NPL: variants seen among roughly 807,000 people sequenced by gnomAD.
NPL encodes N-acetylneuraminate pyruvate lyase.
Under a neutral mutation model 41.1 loss-of-function variants are expected in NPL, and 32 were observed. That is an observed-to-expected ratio of 0.78 (90% confidence interval 0.59 to 1.05). NPL has a LOEUF of 1.05. Ranked by LOEUF, NPL falls within the 50% of genes least tolerant of loss-of-function variation. NPL has a pLI of 0.00. For missense variants in NPL, 321 were observed against 378.4 expected, an observed-to-expected ratio of 0.85 and a Z score of 1.26; for synonymous variants, 128 against 134.9, an observed-to-expected ratio of 0.95 and a Z score of 0.35.
At chr1:182,823,659 T>C (rs1667550394) in intron 11 of NPL, among the ~76,000 whole-genome samples, 1 of 152,238 alleles carries the variant, frequency 6.6e-6, no homozygotes, top group African/African-American at 2.4e-5. Context: ...GAAAAGGTTA[T>C]TTCTGAAAAT....
chr1:182,822,084 G>A (rs909771814), intron 10 of NPL, 31 bp from the exon 11 acceptor site: 6 of 1,387,690 alleles, frequency 4.3e-6, no homozygotes, highest in Non-Finnish European at 6.2e-6. Context: ...TTGAGTTATT[G>A]AACCTGCAGT....
chr1:182,807,711 C>G (rs1239869837), intron 5 of NPL, among the ~76,000 whole-genome samples: 1 of 110,700 alleles, frequency 9.0e-6, no homozygotes, highest in Non-Finnish European at 1.8e-5. Flanking sequence ...CCCGTCTCTA[C>G]TAAAAATACA....
At chr1:182,821,593 A>G (rs2102564433) in intron 10 of NPL, among the ~76,000 whole-genome samples, 1 of 152,366 alleles carries the variant, frequency 6.6e-6, no homozygotes, top group African/African-American at 2.4e-5. Flanking sequence ...ATAGGCACTT[A>G]GTAAATGATC....
chr1:182,825,240 T>C (rs1187144120), intron 11 of NPL, among the ~76,000 whole-genome samples: 1 of 152,190 alleles, frequency 6.6e-6, no homozygotes, highest in Non-Finnish European at 1.5e-5. Flanking sequence ...CTGTCTTTAT[T>C]TTTTTTCAAA....
intron 3 of NPL, among the ~76,000 whole-genome samples, chr1:182,797,385 G>A (rs1199370163): frequency 6.6e-6 from 1 of 152,162 alleles, no homozygotes; most frequent in Non-Finnish European, 1.5e-5. Context: ...TCATACTACA[G>A]ATCAGTCCTG....
At chr1:182,824,397 T>C (rs1002691271) in intron 11 of NPL, among the ~76,000 whole-genome samples, 6 of 152,258 alleles carry the variant, frequency 3.9e-5, no homozygotes, top group Admixed American at 6.5e-5. Context: ...AATTTTATTC[T>C]ACATTTTATT....
chr1:182,791,925 A>G (rs1666527126), intron 1 of NPL, among the ~76,000 whole-genome samples: 1 of 152,206 alleles, frequency 6.6e-6, no homozygotes, highest in Non-Finnish European at 1.5e-5. Flanking sequence ...GGGAAAAATT[A>G]TAAAGGCGAA....
At chr1:182,816,586 T>A in intron 7 of NPL, 128 bp from the exon 8 acceptor site, 2 of 718,286 alleles carry the variant, frequency 2.8e-6, no homozygotes, top group Non-Finnish European at 5.0e-6. Context: ...GCAGGGATAG[T>A]AAAAGTGGTT....
intron 8 of NPL, among the ~76,000 whole-genome samples, chr1:182,817,796 T>C (rs188797068): frequency 6.6e-6 from 1 of 152,366 alleles, no homozygotes; most frequent in East Asian, 1.9e-4. Context: ...GTAAGATATG[T>C]GAGAAGGGGC....
In NPL at chr1:182,800,896, A is replaced by G. The variant is rs57355887; in HGVS notation, c.69-2802A>G. Among the ~76,000 whole-genome samples the G allele has an allele frequency of 5.0e-3, 759 of 151,676 alleles. 6 individuals carry two copies. The highest frequency in any genetic ancestry group is 0.017 in the African/African-American group (696 of 41,324). ...AAGTGCCCACCAATACGCCTGGCTC[A>G]TTTTTGCATTTTTAGTAGAGACGGG... On this transcript the variant is annotated intron_variant, in intron 3 of 12. Coordinates refer to ENST00000367553, the MANE Select transcript of NPL (RefSeq NM_030769.3).
chr1:182,807,656 C>T (rs911770557), intron 5 of NPL, among the ~76,000 whole-genome samples: 1 of 146,282 alleles, frequency 6.8e-6, no homozygotes, highest in Non-Finnish European at 1.5e-5. Flanking sequence ...GCGGGCGGAT[C>T]ACGAGGTCAG....
At chr1:182,813,362 CA>C (rs1336060491) in intron 6 of NPL, among the ~76,000 whole-genome samples, 1 of 151,950 alleles carries the variant, frequency 6.6e-6, no homozygotes, top group Admixed American at 6.6e-5. Context: ...AATATATTTG[CA>C]AAAAATTGCA....
chr1:182,824,770 C>T (rs1340422643), intron 11 of NPL, among the ~76,000 whole-genome samples: 1 of 152,096 alleles, frequency 6.6e-6, no homozygotes, highest in Non-Finnish European at 1.5e-5. Context: ...GCACTCCAGC[C>T]TGGGTGACAG....
chr1:182,816,749 G>A lies in NPL; in HGVS notation c.400G>A (p.Ala134Thr), dbSNP rs747058839. 11 of 1,612,570 alleles carry A rather than the reference G, an allele frequency of 6.8e-6. No individual in the cohort carries two copies. The highest frequency in any genetic ancestry group is 7.6e-6 in the Non-Finnish European group (9 of 1,179,662). The change falls in exon 8 of 13, where the codon GCC (alanine) becomes ACC (threonine). Residue 134 changes from alanine (A) to threonine (T), a missense_variant. Coordinates refer to ENST00000367553, the MANE Select transcript of NPL (RefSeq NM_030769.3). ...TAATTTCCTAAAGGAAGTGGCTGCT[G>A]CCGCCCCTGCCCTGCCATTTTATTA... is the stretch of plus-strand genomic sequence containing the variant. ...LINFLKEVAA[A>T]APALPFYYYH...
intron 6 of NPL, among the ~76,000 whole-genome samples, chr1:182,812,571 A>G (rs1294065297): frequency 2.6e-5 from 4 of 152,200 alleles, no homozygotes; most frequent in African/African-American, 9.6e-5. Flanking sequence ...GATAGAGTAA[A>G]GGCTTGAAGA....
At chr1:182,794,285 G>A in intron 2 of NPL, 71 bp from the exon 3 acceptor site, 1 of 1,276,432 alleles carries the variant, frequency 7.8e-7, no homozygotes, top group Admixed American at 1.7e-5. Flanking sequence ...AACTAGAAAT[G>A]GACTTTGCCT....
At chr1:182,810,945 G>C (rs890123618) in intron 5 of NPL, among the ~76,000 whole-genome samples, 5 of 152,096 alleles carry the variant, frequency 3.3e-5, no homozygotes, top group Non-Finnish European at 7.4e-5. Context: ...TCAAGCTCAA[G>C]ACTCTAACTC....
intron 2 of NPL, among the ~76,000 whole-genome samples, chr1:182,793,678 G>A (rs114501322): frequency 2.0e-4 from 31 of 152,332 alleles, no homozygotes; most frequent in Non-Finnish European, 2.8e-4. Flanking sequence ...AGGTAAATCT[G>A]AAGGTAGTTA....
At chr1:182,815,341 C>T (rs1320589860) in intron 7 of NPL, among the ~76,000 whole-genome samples, 1 of 152,148 alleles carries the variant, frequency 6.6e-6, no homozygotes, top group African/African-American at 2.4e-5. Flanking sequence ...GTCTTCTCTG[C>T]AGAAACTATT....
Sources: gnomAD v4.1 joint callset for allele counts (sites outside exome capture counted in the v4.1 genomes callset) on GRCh38, gnomAD v4.1.1 for gene constraint, MANE v1.5 for transcripts, NCBI Gene and HGNC (gene_info 2026-07-23, HGNC 2026-07-21) for gene names.